DSCAM: variants seen among roughly 807,000 people sequenced by gnomAD.
DSCAM encodes the protein DS cell adhesion molecule.
A neutral mutation model predicts 217.7 loss-of-function variants in DSCAM; 47 were observed. That is an observed-to-expected ratio of 0.22 (90% confidence interval 0.17 to 0.28). DSCAM has a LOEUF of 0.28. Ranked by LOEUF, DSCAM falls within the 10% of genes least tolerant of loss-of-function variation. DSCAM has a pLI of 1.00. For synonymous variants in DSCAM, 1,056 were observed against 1,015.3 expected (o/e 1.04, Z -0.76); for missense variants, 2,080 against 2,618.3 (o/e 0.79, Z 4.49).
chr21:40,151,976 A>G (rs1240259872), intron 16 of DSCAM, among the ~76,000 whole-genome samples: 1 of 152,184 alleles, frequency 6.6e-6, no homozygotes, highest in Non-Finnish European at 1.5e-5. Context: ...GATTCCAGAA[A>G]GAGAATTTGC....
chr21:40,117,492 G>A (rs1404803290), intron 20 of DSCAM, among the ~76,000 whole-genome samples: 3 of 152,180 alleles, frequency 2.0e-5, no homozygotes, highest in Non-Finnish European at 2.9e-5. Context: ...AGATTGCAGA[G>A]TCTTCATTTC....
At chr21:40,823,403 A>C (rs1029873617) in intron 1 of DSCAM, among the ~76,000 whole-genome samples, 1 of 152,188 alleles carries the variant, frequency 6.6e-6, no homozygotes, top group African/African-American at 2.4e-5. Flanking sequence ...GAATCCTGTA[A>C]ATCTCAATTC....
chr21:40,566,334 G>A (rs1243055176), intron 3 of DSCAM, among the ~76,000 whole-genome samples: 1 of 152,128 alleles, frequency 6.6e-6, no homozygotes, highest in African/African-American at 2.4e-5. Context: ...GACACTGAAA[G>A]TAATATCATA....
chr21:40,239,719 G>A (rs2073123085), intron 11 of DSCAM, among the ~76,000 whole-genome samples: 3 of 152,186 alleles, frequency 2.0e-5, no homozygotes, highest in Non-Finnish European at 4.4e-5. Flanking sequence ...AGTGGCATAG[G>A]TTACAGCAGT....
At position 40,175,805 on chromosome 21, in the gene DSCAM, A is replaced by ACACACACG. The variant is rs879840957; in HGVS notation, c.2947+3121_2947+3122insCGTGTGTG. ...TACACACACACACACACACACACAC[A>ACACACACG]CACGCACACACACACACACGCACAC... is the stretch of plus-strand genomic sequence containing the variant. On this transcript the variant is annotated intron_variant, in intron 15 of 32. Coordinates refer to ENST00000400454, the MANE Select transcript of DSCAM (RefSeq NM_001389.5). Among the ~76,000 whole-genome samples, 466 of 112,614 alleles carry ACACACACG rather than the reference A, an allele frequency of 4.1e-3. 3 individuals are homozygous for ACACACACG. The highest frequency in any genetic ancestry group is 0.013 in the African/African-American group (381 of 30,224). 73.9% of individuals were successfully genotyped at this position (112,614 alleles called of 152,430 possible).
At chr21:40,663,322 G>A (rs2090162666) in intron 3 of DSCAM, among the ~76,000 whole-genome samples, 1 of 151,932 alleles carries the variant, frequency 6.6e-6, no homozygotes, top group African/African-American at 2.4e-5. Context: ...ATGTGTGTAA[G>A]AGAGTATGTG....
chr21:40,543,633 C>T (rs1231510161), intron 3 of DSCAM, among the ~76,000 whole-genome samples: 1 of 152,112 alleles, frequency 6.6e-6, no homozygotes, highest in East Asian at 1.9e-4. Context: ...ACAAGGGAAA[C>T]TAAGTCCCAG....
intron 10 of DSCAM, among the ~76,000 whole-genome samples, chr21:40,283,952 G>A (rs573514897): frequency 5.4e-5 from 8 of 148,860 alleles, no homozygotes; most frequent in African/African-American, 5.2e-5. Context: ...ATGGTCAGGC[G>A]GTAAGCTGTT....
intron 3 of DSCAM, among the ~76,000 whole-genome samples, chr21:40,452,511 AAC>A (rs1167808105): frequency 1.3e-5 from 2 of 152,116 alleles, no homozygotes; most frequent in Non-Finnish European, 2.9e-5. Context: ...GTTTAGTTTC[AAC>A]AGTTACTCTA....
chr21:40,331,887 C>T (rs1179611572), intron 8 of DSCAM, among the ~76,000 whole-genome samples: 1 of 152,088 alleles, frequency 6.6e-6, no homozygotes, highest in African/African-American at 2.4e-5. Flanking sequence ...TTTAACTACC[C>T]TTCTCTATGA....
At chr21:40,303,724 T>A (rs955258603) in intron 9 of DSCAM, among the ~76,000 whole-genome samples, 21 of 152,270 alleles carry the variant, frequency 1.4e-4, no homozygotes, top group African/African-American at 4.8e-4. Flanking sequence ...GAGAATTCTA[T>A]CAAAAATTGG....
intron 3 of DSCAM, among the ~76,000 whole-genome samples, chr21:40,410,825 A>T (rs1223607370): frequency 6.6e-6 from 1 of 152,184 alleles, no homozygotes; most frequent in African/African-American, 2.4e-5. Context: ...AGTAGAAAGA[A>T]GTCATTGCCC....
chr21:40,700,174 C>G (rs1194099618), intron 2 of DSCAM, among the ~76,000 whole-genome samples: 2 of 152,206 alleles, frequency 1.3e-5, no homozygotes, highest in Non-Finnish European at 2.9e-5. Flanking sequence ...AGGTCTGGGT[C>G]ACAGCACATC....
rs201875638 is a variant in DSCAM, at chr21:40,563,754, TTA to T, written c.508+129054_508+129055del. ...TATATGTTTATATATAGTTATATGT[TTA>T]TATATGTTTGTATGTTTATATATAT... On this transcript the variant is annotated intron_variant, in intron 3 of 32. Transcript: ENST00000400454. Among the ~76,000 whole-genome samples the T allele has an allele frequency of 3.2e-3, 448 of 138,636 alleles. 2 individuals are homozygous for T. The highest frequency in any genetic ancestry group is 9.3e-3 in the African/African-American group (377 of 40,344). 91.0% of individuals were successfully genotyped at this position (138,636 alleles called of 152,430 possible). A position where few individuals can be genotyped will look rare whatever the true frequency, so the allele number is the denominator to read the frequency against.
intron 3 of DSCAM, among the ~76,000 whole-genome samples, chr21:40,532,040 A>G (rs886888152): frequency 6.6e-6 from 1 of 152,198 alleles, no homozygotes; most frequent in African/African-American, 2.4e-5. Flanking sequence ...TTCAAAGTAA[A>G]TATTTTCAAA....
chr21:40,078,681 G>A lies in DSCAM; in HGVS notation c.4711+6C>T, dbSNP rs1225443313. ...AGCAGGAGAGCCACAAAGCCAGCCA[G>A]CTTACTGCCATCGTAGTTCAGCGTA... On this transcript the variant is annotated splice_donor_region_variant and intron_variant, in intron 26 of 32. Transcript: ENST00000400454. 1 of 1,610,310 alleles carries A rather than the reference G, an allele frequency of 6.2e-7. No homozygotes were observed. The highest frequency in any genetic ancestry group is 1.7e-5 in the Admixed American group (1 of 59,974).
At chr21:40,842,848 G>A (rs1290514434) in intron 1 of DSCAM, among the ~76,000 whole-genome samples, 1 of 152,130 alleles carries the variant, frequency 6.6e-6, no homozygotes, top group East Asian at 1.9e-4. Flanking sequence ...AAAGGAGAGA[G>A]TCAAAAAGTG....
rs76356188 is a variant in DSCAM, at chr21:40,166,860, C to A, written c.3018+358G>T. ...TCGGTGGACTGTCTGCCACCGCATGCTTTGCCATTTAAAAAAAGCAATTTG... is the reference window on the plus strand; with the variant it reads ...TCGGTGGACTGTCTGCCACCGCATGATTTGCCATTTAAAAAAAGCAATTTG... On this transcript the variant is annotated intron_variant, in intron 16 of 32. Coordinates refer to ENST00000400454, the MANE Select transcript of DSCAM (RefSeq NM_001389.5). Among the ~76,000 whole-genome samples, 545 of 152,136 alleles carry A rather than the reference C, an allele frequency of 3.6e-3. 3 individuals carry two copies. The highest frequency in any genetic ancestry group is 5.9e-3 in the Non-Finnish European group (400 of 68,010).
At chr21:40,052,214 C>A (rs1005461201) in intron 29 of DSCAM, 107 bp from the exon 30 acceptor site, 3 of 1,205,584 alleles carry the variant, frequency 2.5e-6, no homozygotes, top group African/African-American at 3.0e-5. Context: ...ATGACAACCA[C>A]AATAATAGCC....
Sources: allele counts gnomAD v4.1 joint callset (sites outside exome capture counted in the v4.1 genomes callset), GRCh38; gene constraint gnomAD v4.1.1; transcripts MANE v1.5; gene names NCBI Gene and HGNC (gene_info 2026-07-23, HGNC 2026-07-21).